GNAL: variants seen among roughly 807,000 people sequenced by gnomAD.
GNAL encodes the protein guanine nucleotide-binding protein G(olf) subunit alpha.
A neutral mutation model predicts 55.1 loss-of-function variants in GNAL; 18 were observed. The ratio of observed to expected loss-of-function variants is 0.33; its 90% confidence interval spans 0.23 to 0.48. The LOEUF is 0.48. GNAL is among the 20% of genes least tolerant of loss of function. The pLI, the probability that GNAL is intolerant of heterozygous loss-of-function variation, is 0.99. For missense variants in GNAL, 412 were observed against 614.1 expected (o/e 0.67, Z 3.48); for synonymous variants, 253 against 237.0 (o/e 1.07, Z -0.62).
chr18:11,873,845 C>T (rs771414317), intron 10 of GNAL, among the ~76,000 whole-genome samples: 8 of 150,728 alleles, frequency 5.3e-5, no homozygotes, highest in East Asian at 1.9e-4. Flanking sequence ...AGTGGCTCGG[C>T]GGCCGGGGGG....
At chr18:11,833,085 G>A (rs1467317182) in intron 5 of GNAL, among the ~76,000 whole-genome samples, 2 of 150,454 alleles carry the variant, frequency 1.3e-5, no homozygotes, top group African/African-American at 4.9e-5. Flanking sequence ...AGGCTGGAGT[G>A]CAGTGGCGCG....
At chr18:11,773,485 G>T (rs991119209) in intron 4 of GNAL, among the ~76,000 whole-genome samples, 2 of 152,082 alleles carry the variant, frequency 1.3e-5, no homozygotes, top group Admixed American at 1.3e-4. Context: ...CTCATAATAG[G>T]CCAGATGCAG....
intron 4 of GNAL, among the ~76,000 whole-genome samples, chr18:11,791,257 G>A (rs1381531184): frequency 6.6e-6 from 1 of 152,190 alleles, no homozygotes; most frequent in Non-Finnish European, 1.5e-5. Flanking sequence ...TCTGAAGGAA[G>A]CAACTAGCCA....
chr18:11,731,091 A>G (rs1298836074), intron 1 of GNAL, among the ~76,000 whole-genome samples: 1 of 152,188 alleles, frequency 6.6e-6, no homozygotes, highest in Non-Finnish European at 1.5e-5. Context: ...TCCAAAAAGA[A>G]TGGGGTATGA....
At chr18:11,787,107 G>A (rs191947628) in intron 4 of GNAL, among the ~76,000 whole-genome samples, 1 of 152,072 alleles carries the variant, frequency 6.6e-6, no homozygotes, top group East Asian at 1.9e-4. Flanking sequence ...CTGTTCTAGG[G>A]CTTATGGTTT....
intron 4 of GNAL, among the ~76,000 whole-genome samples, chr18:11,788,897 G>GGAAAAAAAAAAAAA (rs1385387064): frequency 1.2e-5 from 1 of 82,518 alleles, no homozygotes; most frequent in African/African-American, 7.5e-5. Flanking sequence ...ACTCCGTCTC[G>GGAAAAAAAAAAAAA]AAAAAAAAAA....
intron 7 of GNAL, among the ~76,000 whole-genome samples, chr18:11,866,367 C>G (rs2036263312): frequency 6.6e-6 from 1 of 150,396 alleles, no homozygotes; most frequent in South Asian, 2.1e-4. Flanking sequence ...TCCTAAGGCA[C>G]ATGCATTATG....
intron 1 of GNAL, among the ~76,000 whole-genome samples, chr18:11,696,896 G>A (rs2031430076): frequency 6.6e-6 from 1 of 152,108 alleles, no homozygotes; most frequent in Non-Finnish European, 1.5e-5. Context: ...AGATGCAGAG[G>A]GGCGTATGTG....
chr18:11,691,970 C>T (rs189591551), intron 1 of GNAL, among the ~76,000 whole-genome samples: 15 of 152,192 alleles, frequency 9.9e-5, no homozygotes, highest in African/African-American at 3.1e-4. Context: ...ACGTGTGCTC[C>T]TACAACAATT....
chr18:11,806,785 G>A (rs1047442791), intron 4 of GNAL, among the ~76,000 whole-genome samples: 1 of 149,806 alleles, frequency 6.7e-6, no homozygotes, highest in African/African-American at 2.5e-5. Context: ...TTGTTACACA[G>A]AAATGATTTG....
At chr18:11,702,457 T>C (rs923302698) in intron 1 of GNAL, among the ~76,000 whole-genome samples, 2 of 152,230 alleles carry the variant, frequency 1.3e-5, no homozygotes, top group African/African-American at 4.8e-5. Flanking sequence ...AGAGTTAGAC[T>C]GAGCCACAGA....
In GNAL at chr18:11,773,595, A is replaced by AC. The variant is rs1473088379; in HGVS notation, c.624+19654dup. The stretch of plus-strand genomic sequence containing the variant: ...AGACCAGCCTGGGCAAAATTATGAG[A>AC]CCCCATCTCTACAAAAAATCTTGTA... On this transcript the variant is annotated intron_variant, in intron 4 of 11. Transcript: ENST00000334049. Among the ~76,000 whole-genome samples, 11 of 151,822 alleles carry AC rather than the reference A, an allele frequency of 7.2e-5. No individual in the cohort carries two copies. In the East Asian group the frequency reaches 1.2e-3, roughly 16 times the overall value.
At chr18:11,875,416 G>A (rs752845610) in intron 10 of GNAL, among the ~76,000 whole-genome samples, 7 of 152,204 alleles carry the variant, frequency 4.6e-5, no homozygotes, top group Non-Finnish European at 1.0e-4. Context: ...ATCTTTTGTG[G>A]AATTGTAATC....
intron 1 of GNAL, among the ~76,000 whole-genome samples, chr18:11,696,417 A>C (rs1304386602): frequency 2.0e-5 from 3 of 151,846 alleles, no homozygotes; most frequent in Non-Finnish European, 4.4e-5. Flanking sequence ...AGGCAGGAGA[A>C]TGGCGTGAAC....
At chr18:11,691,886 A>G (rs1298934107) in intron 1 of GNAL, among the ~76,000 whole-genome samples, 1 of 152,212 alleles carries the variant, frequency 6.6e-6, no homozygotes, top group African/African-American at 2.4e-5. Flanking sequence ...GGGTGGGTGC[A>G]GAATCCCAGC....
At chr18:11,821,032 A>G (rs2035077396) in intron 4 of GNAL, among the ~76,000 whole-genome samples, 1 of 152,226 alleles carries the variant, frequency 6.6e-6, no homozygotes, top group Admixed American at 6.5e-5. Flanking sequence ...AGTCCTCACC[A>G]GTGAATCTTA....
chr18:11,769,396 A>G (rs2033562675), intron 4 of GNAL, among the ~76,000 whole-genome samples: 2 of 151,990 alleles, frequency 1.3e-5, no homozygotes, highest in Non-Finnish European at 2.9e-5. Flanking sequence ...TGTCATCAGC[A>G]GAGCCTAGTC....
At chr18:11,815,405 T>C (rs2034929555) in intron 4 of GNAL, among the ~76,000 whole-genome samples, 1 of 152,144 alleles carries the variant, frequency 6.6e-6, no homozygotes, top group Admixed American at 6.5e-5. Context: ...CTTCTGCTTC[T>C]GGGGAGGCCT....
At chr18:11,871,945 A>G (rs894265985) in intron 9 of GNAL, among the ~76,000 whole-genome samples, 8 of 152,268 alleles carry the variant, frequency 5.3e-5, no homozygotes, top group Non-Finnish European at 1.0e-4. Flanking sequence ...TATACTTACT[A>G]GTCCAGCATC....
Sources: gnomAD v4.1 joint callset for allele counts (sites outside exome capture counted in the v4.1 genomes callset) on GRCh38, gnomAD v4.1.1 for gene constraint, MANE v1.5 for transcripts, NCBI Gene and HGNC (gene_info 2026-07-23, HGNC 2026-07-21) for gene names.